Variants in KLHL15 observed in about 807,000 individuals in gnomAD.
KLHL15 encodes kelch-like protein 15.
Under a neutral mutation model 29.3 loss-of-function variants are expected in KLHL15, and 1 was observed. That is an observed-to-expected ratio of 0.03 (90% CI 0.01 to 0.16). The LOEUF (loss-of-function observed/expected upper bound fraction) is 0.16. Among genes scored for constraint, KLHL15 ranks in the 10% least tolerant of loss-of-function variants. The pLI is 1.00. For missense variants in KLHL15, 215 were observed against 478.5 expected (o/e 0.45, Z 5.14); for synonymous variants, 212 against 184.5 (o/e 1.15, Z -1.21).
chrX:24,003,273 C>T (rs1450016006), intron 3 of KLHL15, among the ~76,000 whole-genome samples: 2 of 110,665 alleles, frequency 1.8e-5, no homozygotes, highest in South Asian at 3.8e-4. Context: ...TGGCCAGGCG[C>T]GGTGGCTCAC....
intron 3 of KLHL15, among the ~76,000 whole-genome samples, chrX:23,999,450 CCGGGCGCGGTGG>C (rs1183296258): frequency 1.8e-5 from 2 of 109,064 alleles, no homozygotes; most frequent in African/African-American, 6.7e-5. Context: ...AAGAAATTAG[CCGGGCGCGGTGG>C]CGGGCGCCTG....
rs770867869 is a variant in KLHL15 at position 24,023,613 on chromosome X, T to C, written c.-8+1244A>G. Among the ~76,000 whole-genome samples, 126 of 112,127 alleles carry C rather than the reference T, an allele frequency of 1.1e-3. 1 individual carries two copies. The highest frequency in any genetic ancestry group is 3.9e-3 in the African/African-American group (120 of 30,877). On this transcript the variant is annotated intron_variant, in intron 2 of 3. Transcript: ENST00000328046. ...AGTAAAAATGATCAATACTAATCTG[T>C]TACACATATAAATCCTGGCAAAATA...
At chrX:24,021,960 C>T (rs1291113358) in intron 2 of KLHL15, among the ~76,000 whole-genome samples, 3 of 111,791 alleles carry the variant, frequency 2.7e-5, no homozygotes, top group African/African-American at 9.8e-5. Context: ...AAAACATTTG[C>T]ACTGGGAAAG....
rs370123588 is a variant in KLHL15, at chrX:24,006,454, G to A, written c.240C>T (p.Thr80=). 2.5e-6 allele frequency: 3 copies of A among 1,210,608 alleles called. No homozygotes were observed. The highest frequency in any genetic ancestry group is 3.4e-6 in the Non-Finnish European group (3 of 894,640). Residue 80 remains threonine, a synonymous_variant, in exon 3 of 4, where the codon ACC becomes ACT. Transcript: ENST00000328046. ...TAAATTGCAGGACATGGCTGAAACC[G>A]GTAGCTGTTAGACCTTTTAAATGAA... The part of the protein sequence containing the change: ...DKIHLKGLTA[T]GFSHVLQFMY...
intron 3 of KLHL15, among the ~76,000 whole-genome samples, chrX:23,995,485 T>A (rs1602000232): frequency 9.1e-6 from 1 of 110,355 alleles, no homozygotes; most frequent in African/African-American, 3.3e-5. Flanking sequence ...CATTTTTTTT[T>A]AATTCCAGAT....
Position 24,006,322 on chromosome X carries a change from G to A in KLHL15, c.372C>T (p.Leu124=), listed in dbSNP as rs143580779. 2 of 1,211,701 alleles carry A rather than the reference G, an allele frequency of 1.7e-6. No homozygotes were observed. The highest frequency in any genetic ancestry group is 1.7e-5 in the African/African-American group (1 of 57,876). ...IEVVKFCCSF[L]LAKICLENCA... Reference sequence around the variant, plus strand: ...AATTTTCTAGGCAGATCTTCGCTAAGAGAAAAGAGCAGCAGAACTTCACCA... The same window carrying A: ...AATTTTCTAGGCAGATCTTCGCTAAAAGAAAAGAGCAGCAGAACTTCACCA... Residue 124 remains leucine, a synonymous_variant, in exon 3 of 4, where the codon CTC becomes CTT. Coordinates refer to ENST00000328046, the MANE Select transcript of KLHL15 (RefSeq NM_030624.3).
At position 23,984,014 on chromosome X, in the gene KLHL15, T is replaced by C. The variant is rs1485306216; in HGVS notation, c.*3907A>G. ...AAGTATGCCCAAGAGGTATAGGGCATATACAAGTTAGGTAGAAAATAACCT... is the reference window on the plus strand; with the variant it reads ...AAGTATGCCCAAGAGGTATAGGGCACATACAAGTTAGGTAGAAAATAACCT... On this transcript the variant is annotated 3_prime_UTR_variant, in exon 4 of 4. Coordinates refer to ENST00000328046, the MANE Select transcript of KLHL15 (RefSeq NM_030624.3). The C allele has an allele frequency of 9.0e-6, 1 of 111,727 alleles. No individual in the cohort carries two copies. Among genetic ancestry groups the C allele is most frequent in the Non-Finnish European group, 1.9e-5 (1 of 53,139 alleles). 9.2% of individuals were successfully genotyped at this position (111,727 alleles called of 1,213,427 possible).
At position 23,983,969 on chromosome X, in the gene KLHL15, A is replaced by C. The variant is rs905223551; in HGVS notation, c.*3952T>G. Reference sequence around the variant, plus strand: ...CTGGCCCAAAATGTACCTAAAGGTCAAAATATTTTTCTATAGACAAAGTAT... The same window carrying C: ...CTGGCCCAAAATGTACCTAAAGGTCCAAATATTTTTCTATAGACAAAGTAT... On this transcript the variant is annotated 3_prime_UTR_variant, in exon 4 of 4. Transcript: ENST00000328046. The C allele has an allele frequency of 1.8e-5, 2 of 111,615 alleles. No individual in the cohort carries two copies. The highest frequency in any genetic ancestry group is 3.8e-5 in the Non-Finnish European group (2 of 53,104). 9.2% of individuals were successfully genotyped at this position (111,615 alleles called of 1,213,427 possible). A position where few individuals can be genotyped will look rare whatever the true frequency, so the allele number is the denominator to read the frequency against.
intron 2 of KLHL15, among the ~76,000 whole-genome samples, chrX:24,021,175 A>T (rs771386285): frequency 1.4e-4 from 16 of 111,886 alleles, no homozygotes; most frequent in African/African-American, 4.9e-4. Context: ...GAGATGAACT[A>T]TGAGAGCCTT....
chrX:23,990,821 T>C (rs1446166042), intron 3 of KLHL15, among the ~76,000 whole-genome samples: 1 of 110,964 alleles, frequency 9.0e-6, no homozygotes, highest in Non-Finnish European at 1.9e-5. Flanking sequence ...CTTTCTTTCT[T>C]TAGCCCATTC....
intron 2 of KLHL15, among the ~76,000 whole-genome samples, chrX:24,019,204 T>C (rs1308759644): frequency 8.9e-6 from 1 of 112,070 alleles, no homozygotes; most frequent in African/African-American, 3.2e-5. Context: ...TTAACTGTTT[T>C]AGAAAAGTTA....
chrX:24,001,802 C>CA (rs766669649), intron 3 of KLHL15, among the ~76,000 whole-genome samples: 2,740 of 22,514 alleles, frequency 0.12, 265 homozygotes, highest in Non-Finnish European at 0.15. Context: ...AGACTTGACT[C>CA]AAAAAAAAAA....
intron 2 of KLHL15, among the ~76,000 whole-genome samples, chrX:24,017,457 C>T (rs1165353849): frequency 9.1e-6 from 1 of 109,978 alleles, no homozygotes; most frequent in Non-Finnish European, 1.9e-5. Context: ...CAACCCCATG[C>T]CTCCCTAGGG....
At chrX:24,010,086 C>T (rs1467588828) in intron 2 of KLHL15, among the ~76,000 whole-genome samples, 2 of 110,205 alleles carry the variant, frequency 1.8e-5, no homozygotes, top group African/African-American at 6.6e-5. Flanking sequence ...AACTGTAAGT[C>T]AAAACTCCCT....
chrX:24,025,861 C>T (rs1317379480), intron 1 of KLHL15, among the ~76,000 whole-genome samples: 11 of 110,299 alleles, frequency 1.0e-4, no homozygotes, highest in African/African-American at 3.3e-4. Flanking sequence ...GACGCAGCTT[C>T]CCCCGCGGCG....
intron 3 of KLHL15, among the ~76,000 whole-genome samples, chrX:23,995,109 C>T (rs192178230): frequency 2.2e-4 from 24 of 111,473 alleles, no homozygotes; most frequent in African/African-American, 7.8e-4. Context: ...TATACACATA[C>T]ACACACACAC....
intron 3 of KLHL15, among the ~76,000 whole-genome samples, chrX:23,998,160 G>A (rs1006607686): frequency 2.7e-5 from 3 of 110,428 alleles, no homozygotes; most frequent in Non-Finnish European, 5.7e-5. Context: ...ATGAGGTTTC[G>A]CCATGTTGGT....
rs781263053 is a variant in KLHL15 at position 24,008,863 on chromosome X, G to A, written c.-7-2163C>T. Among the ~76,000 whole-genome samples, 492 of 83,811 alleles carry A rather than the reference G, an allele frequency of 5.9e-3. 4 individuals carry two copies. The highest frequency in any genetic ancestry group is 0.028 in the African/African-American group (460 of 16,693). 72.8% of individuals were successfully genotyped at this position (83,811 alleles called of 115,157 possible). A position where few individuals can be genotyped will look rare whatever the true frequency, so the allele number is the denominator to read the frequency against. ...CTCCAACCTCTAGCTCTACTCCCACGCGTGTTAGAAAAAAAAAAAACAAAA... is the reference window on the plus strand; with the variant it reads ...CTCCAACCTCTAGCTCTACTCCCACACGTGTTAGAAAAAAAAAAAACAAAA... On this transcript the variant is annotated intron_variant, in intron 2 of 3. Coordinates refer to ENST00000328046, the MANE Select transcript of KLHL15 (RefSeq NM_030624.3).
chrX:24,020,439 A>G (rs1409877339), intron 2 of KLHL15, among the ~76,000 whole-genome samples: 4 of 111,926 alleles, frequency 3.6e-5, no homozygotes, highest in African/African-American at 1.3e-4. Flanking sequence ...TCTTGTCATC[A>G]AAATATTTTT....
Sources: gnomAD v4.1 joint callset for allele counts (sites outside exome capture counted in the v4.1 genomes callset) on GRCh38, gnomAD v4.1.1 for gene constraint, MANE v1.5 for transcripts, NCBI Gene and HGNC (gene_info 2026-07-23, HGNC 2026-07-21) for gene names.